PDE1A: variants seen among roughly 807,000 people sequenced by gnomAD.
The protein encoded by PDE1A is dual specificity calcium/calmodulin-dependent 3',5'-cyclic nucleotide phosphodiesterase 1A.
PDE1A carries 35 observed loss-of-function variants against 61.7 expected under a neutral mutation model. That is an observed-to-expected ratio of 0.57 (90% CI 0.43 to 0.75). The LOEUF (loss-of-function observed/expected upper bound fraction) is 0.75, where lower values mean the gene tolerates loss of function less well. Ranked by LOEUF, PDE1A falls within the 30% of genes least tolerant of loss-of-function variation. The pLI is 0.00. For synonymous variants in PDE1A, 232 were observed against 213.2 expected, an observed-to-expected ratio of 1.09 and a Z score of -0.77; for missense variants, 597 against 630.6, an observed-to-expected ratio of 0.95 and a Z score of 0.57.
At chr2:182,237,911 C>G (rs745637954) in intron 3 of PDE1A, among the ~76,000 whole-genome samples, 6 of 152,138 alleles carry the variant, frequency 3.9e-5, no homozygotes, top group Non-Finnish European at 8.8e-5. Flanking sequence ...GGCTAGAAAG[C>G]AGAAAGGGAC....
intron 1 of PDE1A, among the ~76,000 whole-genome samples, chr2:182,341,271 CAATCTGGCTCAAGA>C: frequency 6.6e-6 from 1 of 152,228 alleles, no homozygotes; most frequent in South Asian, 2.1e-4. Flanking sequence ...AAGAAGTAGC[CAATCTGGCTCAAGA>C]AGCCAAGATT....
intron 2 of PDE1A, among the ~76,000 whole-genome samples, chr2:182,248,873 G>A (rs548750193): frequency 1.4e-4 from 21 of 152,266 alleles, no homozygotes; most frequent in African/African-American, 3.6e-4. Context: ...CATGTTTCAC[G>A]CAGCAACGAA....
At chr2:182,444,600 TCTAA>T (rs1440151514) in intron 2 of PDE1A, among the ~76,000 whole-genome samples, 4 of 152,036 alleles carry the variant, frequency 2.6e-5, no homozygotes, top group Admixed American at 2.6e-4. Flanking sequence ...GAGAAATCCA[TCTAA>T]CTGTCTATCA....
At chr2:182,609,190 G>C in the PDE1A span, among the ~76,000 whole-genome samples, 1 of 152,136 alleles carries the variant, frequency 6.6e-6, no homozygotes, top group African/African-American at 2.4e-5. Context: ...AATCTAGTGG[G>C]GAGGTGGAGA....
the PDE1A span, among the ~76,000 whole-genome samples, chr2:182,566,427 AT>A: frequency 7.2e-5 from 11 of 151,972 alleles, no homozygotes; most frequent in Admixed American, 2.0e-4. Flanking sequence ...AAGACAGGAA[AT>A]AATGGAGGGA....
At chr2:182,466,723 A>G (rs548127699) in intron 2 of PDE1A, among the ~76,000 whole-genome samples, 2 of 152,042 alleles carry the variant, frequency 1.3e-5, no homozygotes, top group South Asian at 4.1e-4. Flanking sequence ...CATTCTCAGG[A>G]GTGGGGGCTC....
the PDE1A span, among the ~76,000 whole-genome samples, chr2:182,530,341 A>AAG: frequency 5.2e-4 from 1 of 1,924 alleles, no homozygotes; most frequent in African/African-American, 7.7e-3. Flanking sequence ...ATGCCAGATG[A>AAG]AAAGCAGGGG....
chr2:182,333,979 G>C (rs1250071842), intron 1 of PDE1A, among the ~76,000 whole-genome samples: 1 of 152,060 alleles, frequency 6.6e-6, no homozygotes, highest in Non-Finnish European at 1.5e-5. Flanking sequence ...AGAAAATCTA[G>C]AAGAAATGAA....
chr2:182,201,664 C>CAA lies in PDE1A; in HGVS notation c.1004+22_1004+23dup. The stretch of plus-strand genomic sequence containing the variant: ...CTTTAACATGACAAAAAAAAAAAAA[C>CAA]AACAAAAAAAACACAAAACCTACCC... On this transcript the variant is annotated intron_variant, in intron 9 of 13. Coordinates refer to ENST00000351439, the Ensembl canonical transcript of PDE1A. 2.3e-6 allele frequency: 2 copies of CAA among 873,104 alleles called. 1 individual carries two copies. Among genetic ancestry groups the CAA allele is most frequent in the African/African-American group, 4.3e-5 (2 of 46,072 alleles). The allele number at this position is 873,104 out of a possible 1,614,324, so 54.1% of individuals were successfully genotyped here.
rs919163782 is a variant in PDE1A at position 182,502,354 on chromosome 2, C to G, written c.101+19922G>C. On this transcript the variant is annotated intron_variant, in intron 2 of 14. Transcript: ENST00000410103. The stretch of plus-strand genomic sequence containing the variant: ...TGTGTTTGTGTGTGTGTCTGTGTGT[C>G]TGTGTATCTGTATCTGTGTCTCCAT... Among the ~76,000 whole-genome samples, 550 of 151,810 alleles carry G rather than the reference C, an allele frequency of 3.6e-3. 1 individual carries two copies. The highest frequency in any genetic ancestry group is 0.013 in the African/African-American group (521 of 41,414).
At chr2:182,391,158 T>C (rs1268895591) in intron 1 of PDE1A, among the ~76,000 whole-genome samples, 1 of 151,968 alleles carries the variant, frequency 6.6e-6, no homozygotes, top group African/African-American at 2.4e-5. Context: ...GGAAAGAATA[T>C]AAAGTTGGTT....
intron 1 of PDE1A, among the ~76,000 whole-genome samples, chr2:182,333,671 T>C (rs1230814530): frequency 2.0e-5 from 3 of 151,562 alleles, no homozygotes; most frequent in Non-Finnish European, 2.9e-5. Flanking sequence ...TTAAAAGAAG[T>C]AAAGAAGCTA....
intron 2 of PDE1A, among the ~76,000 whole-genome samples, chr2:182,502,324 G>C (rs1016763949): frequency 1.3e-5 from 2 of 151,970 alleles, no homozygotes; most frequent in African/African-American, 2.4e-5. Context: ...GTGTGTGTGT[G>C]TGTGTGTGTT....
the PDE1A span, among the ~76,000 whole-genome samples, chr2:182,622,694 T>C: frequency 6.6e-6 from 1 of 152,204 alleles, no homozygotes; most frequent in Admixed American, 6.5e-5. Flanking sequence ...GCAAAGGTAC[T>C]GACCTGGGCT....
chr2:182,144,917 CAA>C (rs368460773), downstream of PDE1A, among the ~76,000 whole-genome samples: 708 of 152,296 alleles, frequency 4.6e-3, 3 homozygotes, highest in African/African-American at 0.016. Flanking sequence ...CTGCCAGAGC[CAA>C]AGAGTGGCTG....
At chr2:182,487,268 G>C (rs1314387275) in intron 2 of PDE1A, among the ~76,000 whole-genome samples, 1 of 152,122 alleles carries the variant, frequency 6.6e-6, no homozygotes, top group Non-Finnish European at 1.5e-5. Context: ...TGCCGTACCA[G>C]GTGCCAGCGA....
the PDE1A span, among the ~76,000 whole-genome samples, chr2:182,648,410 A>G: frequency 2.0e-5 from 3 of 149,336 alleles, no homozygotes; most frequent in Admixed American, 1.4e-4. Context: ...AGTGGCTCAC[A>G]CCTGTAATCC....
the PDE1A span, among the ~76,000 whole-genome samples, chr2:182,587,486 G>C: frequency 1.3e-5 from 2 of 152,160 alleles, no homozygotes; most frequent in Admixed American, 1.3e-4. Flanking sequence ...AAACTAAAAT[G>C]ATTTGCCATT....
chr2:182,186,627 A>G, intron 11 of PDE1A, 39 bp from the exon 12 acceptor site: 1 of 1,559,282 alleles, frequency 6.4e-7, no homozygotes. Flanking sequence ...AGATAAATTC[A>G]AGTGTTACAA....
Sources: gnomAD v4.1 joint callset for allele counts (sites outside exome capture counted in the v4.1 genomes callset) on GRCh38, gnomAD v4.1.1 for gene constraint, MANE v1.5 for transcripts, NCBI Gene and HGNC (gene_info 2026-07-23, HGNC 2026-07-21) for gene names.